The following RASAL3 variants were observed in gnomAD, a reference collection of about 807,000 sequenced individuals.
RASAL3 encodes the protein RAS protein activator like 3, also known as RAS protein activator like-3.
Under a neutral mutation model 105.5 loss-of-function variants are expected in RASAL3, and 74 were observed. The ratio of observed to expected loss-of-function variants is 0.70; its 90% CI spans 0.58 to 0.85. RASAL3 has a LOEUF of 0.85. RASAL3 is among the 40% of genes least tolerant of loss of function. The pLI is 0.00. For synonymous variants in RASAL3, 579 were observed against 591.6 expected (o/e 0.98, Z 0.31); for missense variants, 1,352 against 1,392.0 (o/e 0.97, Z 0.46).
At position 15,451,987 on chromosome 19, in the gene RASAL3, C is replaced by A. The variant is rs202158014; in HGVS notation, c.2893-49G>T. On this transcript the variant is annotated intron_variant, in intron 17 of 17. Transcript: ENST00000343625. ...TTCAGAAACCAGGAGAGGGCTGCACCGCAACCCTTGCTCCTCCACCGCCCA... is the reference window on the plus strand; with the variant it reads ...TTCAGAAACCAGGAGAGGGCTGCACAGCAACCCTTGCTCCTCCACCGCCCA... The A allele has an allele frequency of 3.4e-5, 55 of 1,613,376 alleles. No homozygotes were observed. In the Middle Eastern group the frequency reaches 6.6e-4, roughly 19 times the overall value.
chr19:15,454,076 ACCTCTGAC>A (rs1970240799), intron 14 of RASAL3, 65 bp downstream of exon 14: 2 of 1,081,584 alleles, frequency 1.8e-6, no homozygotes, highest in African/African-American at 3.2e-5. Context: ...ATCCAACTTC[ACCTCTGAC>A]CCCTGTCTGA....
At position 15,452,584 on chromosome 19, in the gene RASAL3, G is replaced by GC; in HGVS notation, c.2828+73_2828+74insG. 4.1e-6 allele frequency: 5 copies of GC among 1,211,128 alleles called. No homozygotes were observed. The South Asian group carries it at 6.8e-5, about 16-fold the overall frequency. 75.0% of individuals were successfully genotyped at this position (1,211,128 alleles called of 1,614,324 possible). A position where few individuals can be genotyped will look rare whatever the true frequency, so the allele number is the denominator to read the frequency against. ...CGTGCTAGGCGTGGTTTGGGGGGGG[G>GC]GGGGAGGGCCTGGTCAGATCTAATT... On this transcript the variant is annotated intron_variant, in intron 16 of 17. Coordinates refer to ENST00000343625, the MANE Select transcript of RASAL3 (RefSeq NM_022904.3).
At chr19:15,462,486 A>C (rs1970540546) in intron 2 of RASAL3, among the ~76,000 whole-genome samples, 1 of 39,632 alleles carries the variant, frequency 2.5e-5, no homozygotes, top group African/African-American at 1.1e-4. Context: ...ACTGTGTCTC[A>C]AAACAAAAAC....
chr19:15,458,785 A>ACCCCCCCCCCCCC (rs531818545), intron 6 of RASAL3, 130 bp from the exon 7 acceptor site: 1 of 1,090,672 alleles, frequency 9.2e-7, no homozygotes, highest in Non-Finnish European at 1.2e-6. Flanking sequence ...TGCCCCCCCC[A>ACCCCCCCCCCCCC]CCCCCCGCCA....
At position 15,461,577 on chromosome 19, in the gene RASAL3, G is replaced by T. The variant is rs866127987; in HGVS notation, c.359C>A (p.Pro120His). The T allele has an allele frequency of 6.5e-7, 1 of 1,532,866 alleles. No homozygotes were observed. Among genetic ancestry groups the T allele is most frequent in the Non-Finnish European group, 8.7e-7 (1 of 1,145,572 alleles). The allele number at this position is 1,532,866 out of a possible 1,614,324, so 95.0% of individuals were successfully genotyped here. Residue 120 changes from proline (P) to histidine (H), a missense_variant, in exon 3 of 18, where the codon CCT becomes CAT. Physicochemically the swap from Pro to His is moderately conservative, Grantham distance 77. Coordinates refer to ENST00000343625, the MANE Select transcript of RASAL3 (RefSeq NM_022904.3). ...GGGGGCCTCAGGGATCTGTGGGGTA[G>T]GGGGCTCCAGCTCTGGCTCCGGCTC... is the stretch of plus-strand genomic sequence containing the variant. ...ELEPEPELEP[P>H]TPQIPEAPTP...
intron 6 of RASAL3, among the ~76,000 whole-genome samples, chr19:15,459,875 G>A (rs1383900487): frequency 6.7e-6 from 1 of 150,368 alleles, no homozygotes; most frequent in African/African-American, 2.5e-5. Context: ...CTTTGCACTT[G>A]TTGTTCCTTC....
In RASAL3 at chr19:15,454,565, G is replaced by A; in HGVS notation, c.1959-3C>T. 2 of 1,613,926 alleles carry A rather than the reference G, an allele frequency of 1.2e-6. No individual in the cohort carries two copies. The highest frequency in any genetic ancestry group is 2.2e-5 in the South Asian group (2 of 91,072). On this transcript the variant is annotated splice_region_variant and splice_polypyrimidine_tract_variant and intron_variant, in intron 12 of 17. Transcript: ENST00000343625. ...TGTAGGCCTCCTTCTCACCGAACCT[G>A]GATCAGGGCCAGGCTGGGTGGGTCA...
chr19:15,464,107 T>G lies in RASAL3; in HGVS notation c.252A>C (p.Arg84=), dbSNP rs1970597501. ...GCCTCCCCCAGAGGGCCTTGGAGAGTCGAAGGCGACTGGTCCGTGACTCCT... is the reference window on the plus strand; with the variant it reads ...GCCTCCCCCAGAGGGCCTTGGAGAGGCGAAGGCGACTGGTCCGTGACTCCT... ...PPKESRTSRL[R]LSKALWGRHK... Residue 84 remains arginine, a synonymous_variant, in exon 2 of 18, where the codon CGA becomes CGC. Transcript: ENST00000343625. 6.2e-7 allele frequency: 1 copy of G among 1,611,594 alleles called. No homozygotes were observed. Among genetic ancestry groups the G allele is most frequent in the African/African-American group, 1.3e-5 (1 of 74,622 alleles).
At chr19:15,452,305 A>G in intron 16 of RASAL3, 197 bp from the exon 17 acceptor site, 1 of 626,232 alleles carries the variant, frequency 1.6e-6, no homozygotes, top group Non-Finnish European at 2.9e-6. Flanking sequence ...GGACCTATCA[A>G]TCATCCCTTG....
At chr19:15,464,446 C>A in intron 1 of RASAL3, 59 bp downstream of exon 1, 2 of 1,309,866 alleles carry the variant, frequency 1.5e-6, no homozygotes, top group East Asian at 2.5e-5. Flanking sequence ...CGGCCCCCTC[C>A]CCACCCTCAG....
At chr19:15,463,655 G>C (rs1970579916) in intron 2 of RASAL3, among the ~76,000 whole-genome samples, 1 of 152,184 alleles carries the variant, frequency 6.6e-6, no homozygotes, top group Non-Finnish European at 1.5e-5. Context: ...TCAGAACAAA[G>C]ACACGGAAGC....
At position 15,452,797 on chromosome 19, in the gene RASAL3, C is replaced by A; in HGVS notation, c.2689G>T (p.Glu897Ter). Residue 897 changes from glutamate to a stop codon, truncating the protein, a stop_gained, in exon 16 of 18, where the codon GAG (glutamate) becomes TAG (stop). Coordinates refer to ENST00000343625, the MANE Select transcript of RASAL3 (RefSeq NM_022904.3). LOFTEE classifies it high-confidence loss of function. ...TGCTCCTCACGCAGAGCGGCCACCT[C>A]GCACTGCAGCTCTGCCAACTGTGGT... is the stretch of plus-strand genomic sequence containing the variant. ...PVNKLAELQC[E>*]VAALREEQKV... is the part of the protein sequence containing the mutation. The A allele has an allele frequency of 6.4e-7, 1 of 1,558,892 alleles. No individual in the cohort carries two copies. The highest frequency in any genetic ancestry group is 1.2e-5 in the South Asian group (1 of 84,602).
intron 11 of RASAL3, among the ~76,000 whole-genome samples, chr19:15,455,506 A>G (rs1428793795): frequency 2.0e-5 from 3 of 152,190 alleles, no homozygotes; most frequent in East Asian, 3.9e-4. Context: ...AATTGGGGAT[A>G]TGGAATCAAC....
At chr19:15,455,052 G>A (rs1322513872) in intron 11 of RASAL3, among the ~76,000 whole-genome samples, 159 bp from the exon 12 acceptor site, 4 of 152,196 alleles carry the variant, frequency 2.6e-5, no homozygotes, top group African/African-American at 7.2e-5. Context: ...ACTGAACCTG[G>A]GGTCTGGGCT....
chr19:15,452,671 T>C lies in RASAL3; in HGVS notation c.2815A>G (p.Arg939Gly), dbSNP rs554364995. 1,126 of 1,548,598 alleles carry C rather than the reference T, an allele frequency of 7.3e-4. 13 individuals are homozygous for C. In the South Asian group the frequency reaches 0.013, roughly 18 times the overall value. The change falls in exon 16 of 18, where the codon AGG becomes GGG. Residue 939 changes from arginine (R) to glycine (G), a missense_variant. Transcript: ENST00000343625. ...LRGQLQDLDS[R>G]LRAGSSEFDS... ...GGCTGGGCTCACCCAGCACGGAGCC[T>C]GGAGTCCAGATCCTGCAGCTGGCCC...
chr19:15,451,630 T>A lies in RASAL3; in HGVS notation c.*165A>T. The A allele has an allele frequency of 1.5e-6, 1 of 683,776 alleles. No individual in the cohort carries two copies. The highest frequency in any genetic ancestry group is 2.3e-6 in the Non-Finnish European group (1 of 430,632). 42.4% of individuals were successfully genotyped at this position (683,776 alleles called of 1,614,324 possible). A position where few individuals can be genotyped will look rare whatever the true frequency, so the allele number is the denominator to read the frequency against. On this transcript the variant is annotated 3_prime_UTR_variant, in exon 18 of 18. Transcript: ENST00000343625. The stretch of plus-strand genomic sequence containing the variant: ...TGGGCAAAGAAACCACCAATTTCAC[T>A]GAAATCAAGATTTTACTGGGCAACT...
In RASAL3 at chr19:15,464,380, G is replaced by T; in HGVS notation, c.-19-3C>A. On this transcript the variant is annotated splice_polypyrimidine_tract_variant and splice_region_variant and intron_variant, in intron 1 of 17. Transcript: ENST00000343625. Reference sequence around the variant, plus strand: ...CCATGGTTGGGGGGGGGGGTCTCCTGGGGGACGAGAGAGTGACAGTAGTGC... The same window carrying T: ...CCATGGTTGGGGGGGGGGGTCTCCTTGGGGACGAGAGAGTGACAGTAGTGC... The T allele has an allele frequency of 3.4e-6, 5 of 1,471,488 alleles. No homozygotes were observed. Among genetic ancestry groups the T allele is most frequent in the African/African-American group, 1.4e-5 (1 of 71,578 alleles). 91.2% of individuals were successfully genotyped at this position (1,471,488 alleles called of 1,614,324 possible). A position where few individuals can be genotyped will look rare whatever the true frequency, so the allele number is the denominator to read the frequency against.
At chr19:15,452,262 G>T in intron 16 of RASAL3, 154 bp from the exon 17 acceptor site, 1 of 720,038 alleles carries the variant, frequency 1.4e-6, no homozygotes, top group Non-Finnish European at 2.4e-6. Context: ...TTGAAGAAGG[G>T]TCGGACCAGA....
chr19:15,457,601 GC>G lies in RASAL3; in HGVS notation c.1121del (p.Gly374AlafsTer107). On this transcript the variant is annotated frameshift_variant, in exon 9 of 18. Coordinates refer to ENST00000343625, the MANE Select transcript of RASAL3 (RefSeq NM_022904.3). LOFTEE classifies it high-confidence loss of function. This position sits in a 1 kb window ranked among gnomAD's most constrained non-coding sequence, Gnocchi z 8.6. ...RRLSLRLRGL[G>X]PGSAVLGRVA... Reference sequence around the variant, plus strand: ...CGCGGCCCAGCACCGCGCTTCCCGGGCCCAAGCCGCGCAGCCGCAGCGACAG... The same window carrying G: ...CGCGGCCCAGCACCGCGCTTCCCGGGCCAAGCCGCGCAGCCGCAGCGACAG... 1 of 1,342,308 alleles carries G rather than the reference GC, an allele frequency of 7.4e-7. No homozygotes were observed. Among genetic ancestry groups the G allele is most frequent in the East Asian group, 4.1e-5 (1 of 24,314 alleles). The allele number at this position is 1,342,308 out of a possible 1,614,324, so 83.1% of individuals were successfully genotyped here.
Sources: allele counts gnomAD v4.1 joint callset (sites outside exome capture counted in the v4.1 genomes callset), GRCh38; gene constraint gnomAD v4.1.1; non-coding constraint Gnocchi (gnomAD v3.1); transcripts MANE v1.5; gene names NCBI Gene and HGNC (gene_info 2026-07-23, HGNC 2026-07-21).